The following MEI4 variants were observed in gnomAD, a reference collection of about 807,000 sequenced individuals.
MEI4 encodes meiosis-specific protein MEI4.
A neutral mutation model predicts 31.4 loss-of-function variants in MEI4; 27 were observed. The ratio of observed to expected loss-of-function variants is 0.86; its 90% confidence interval spans 0.63 to 1.19. The LOEUF (loss-of-function observed/expected upper bound fraction) is 1.19. MEI4 is among the 50% of genes most tolerant of loss of function. MEI4 has a pLI of 0.00. For missense variants in MEI4, 329 were observed against 398.9 expected (o/e 0.82, Z 1.49); for synonymous variants, 122 against 145.4 (o/e 0.84, Z 1.16).
At chr6:77,800,720 A>G (rs62415495) in intron 3 of MEI4, among the ~76,000 whole-genome samples, 43 of 152,168 alleles carry the variant, frequency 2.8e-4, no homozygotes, top group African/African-American at 1.0e-3. Context: ...GAATTTTGTC[A>G]AAGGCCTTTT....
rs1453019285 is a variant in MEI4, at chr6:77,924,827, CAGG to C, written c.*1482_*1484del. The C allele has an allele frequency of 6.6e-6, 1 of 151,834 alleles. No individual in the cohort carries two copies. Among genetic ancestry groups the C allele is most frequent in the Non-Finnish European group, 1.5e-5 (1 of 67,910 alleles). 9.4% of individuals were successfully genotyped at this position (151,834 alleles called of 1,614,324 possible). A position where few individuals can be genotyped will look rare whatever the true frequency, so the allele number is the denominator to read the frequency against. On this transcript the variant is annotated 3_prime_UTR_variant, in exon 5 of 5. Coordinates refer to ENST00000684080, the MANE Select transcript of MEI4 (RefSeq NM_001322247.2). ...GTCAAGCCCAAAGAAAAGTGACTGA[CAGG>C]GGAGTAGACTTGAGTGGGAGAACTT...
chr6:77,746,469 C>G (rs1220991802), intron 2 of MEI4, among the ~76,000 whole-genome samples: 2 of 152,116 alleles, frequency 1.3e-5, no homozygotes, highest in African/African-American at 4.8e-5. Context: ...ATTTATCCTG[C>G]TTTCACACTC....
intron 4 of MEI4, among the ~76,000 whole-genome samples, chr6:77,877,226 C>CTAGCTACCA (rs1434161895): frequency 6.6e-6 from 1 of 151,220 alleles, no homozygotes; most frequent in Non-Finnish European, 1.5e-5. Flanking sequence ...GAAAGTGTCA[C>CTAGCTACCA]TAGCTACCAA....
chr6:77,687,553 G>C (rs1466602931), intron 1 of MEI4, among the ~76,000 whole-genome samples: 2 of 152,094 alleles, frequency 1.3e-5, no homozygotes, highest in Admixed American at 1.3e-4. Context: ...ACTGCACTCA[G>C]TTTAAATGCC....
At chr6:77,795,055 T>C (rs1373952956) in intron 3 of MEI4, among the ~76,000 whole-genome samples, 1 of 152,154 alleles carries the variant, frequency 6.6e-6, no homozygotes, top group Non-Finnish European at 1.5e-5. Context: ...ATAGCCTAGC[T>C]TATGGGTTGT....
intron 2 of MEI4, among the ~76,000 whole-genome samples, chr6:77,754,502 A>G (rs1406828418): frequency 6.6e-6 from 1 of 152,192 alleles, no homozygotes; most frequent in African/African-American, 2.4e-5. Context: ...ACTTTCTGAC[A>G]TCTTCCTGTC....
At chr6:77,906,706 G>A (rs1215818643) in intron 4 of MEI4, among the ~76,000 whole-genome samples, 3 of 152,208 alleles carry the variant, frequency 2.0e-5, no homozygotes, top group Non-Finnish European at 2.9e-5. Flanking sequence ...CTTGCAGGGA[G>A]GGAATACTGA....
intron 2 of MEI4, among the ~76,000 whole-genome samples, chr6:77,733,042 A>G (rs1767058750): frequency 6.6e-6 from 1 of 151,900 alleles, no homozygotes; most frequent in Non-Finnish European, 1.5e-5. Context: ...TATTTTATTG[A>G]GGATTTTTGC....
chr6:77,774,098 A>C (rs1456731451), intron 3 of MEI4, among the ~76,000 whole-genome samples: 1 of 152,120 alleles, frequency 6.6e-6, no homozygotes, highest in African/African-American at 2.4e-5. Context: ...TATGGAGAAC[A>C]GTTTGAGTTT....
chr6:77,800,085 C>A (rs1034446951), intron 3 of MEI4, among the ~76,000 whole-genome samples: 2 of 152,100 alleles, frequency 1.3e-5, no homozygotes, highest in African/African-American at 4.8e-5. Flanking sequence ...TTACCTTGGG[C>A]AGTATGGCCA....
chr6:77,870,691 T>C (rs1244804403), intron 4 of MEI4, among the ~76,000 whole-genome samples: 1 of 111,748 alleles, frequency 8.9e-6, no homozygotes, highest in Non-Finnish European at 1.8e-5. Context: ...AGCAAAACTG[T>C]ACTTACATTC....
chr6:77,896,684 C>T (rs1314273067), intron 4 of MEI4, among the ~76,000 whole-genome samples: 1 of 151,948 alleles, frequency 6.6e-6, no homozygotes, highest in Non-Finnish European at 1.5e-5. Flanking sequence ...ATAATCAATT[C>T]ATATTTAGAT....
rs1770018512 is a variant in MEI4, at chr6:77,828,977, AT to A, written c.817del (p.Cys273AlafsTer4). The A allele has an allele frequency of 8.1e-7, 1 of 1,232,184 alleles. No individual in the cohort carries two copies. The highest frequency in any genetic ancestry group is 4.2e-5 in the Admixed American group (1 of 23,674). 76.3% of individuals were successfully genotyped at this position (1,232,184 alleles called of 1,614,324 possible). ...YVSQSLVTLG[N>X]CSLLRKSIIS... ...TCTCAGAGTCTGGTTACCTTGGGAAATTGCAGCTTGTTGAGAAAATCTATTA... is the reference window on the plus strand; with the variant it reads ...TCTCAGAGTCTGGTTACCTTGGGAAATGCAGCTTGTTGAGAAAATCTATTA... On this transcript the variant is annotated frameshift_variant, in exon 4 of 5. Coordinates refer to ENST00000684080, the MANE Select transcript of MEI4 (RefSeq NM_001322247.2). LOFTEE classifies it high-confidence loss of function.
intron 3 of MEI4, among the ~76,000 whole-genome samples, chr6:77,788,204 A>T (rs982234221): frequency 2.6e-5 from 4 of 152,326 alleles, no homozygotes; most frequent in Non-Finnish European, 2.9e-5. Context: ...ATTCAACAGC[A>T]CTTCATGCTA....
chr6:77,858,918 G>C (rs2020438), intron 4 of MEI4, among the ~76,000 whole-genome samples: 2 of 52,470 alleles, frequency 3.8e-5, no homozygotes, highest in Admixed American at 3.7e-4. Context: ...AAAAAAAAAA[G>C]AAAACAGGAC....
At chr6:77,910,626 A>G (rs1391570164) in intron 4 of MEI4, among the ~76,000 whole-genome samples, 1 of 152,056 alleles carries the variant, frequency 6.6e-6, no homozygotes, top group African/African-American at 2.4e-5. Flanking sequence ...ATGGCCATAC[A>G]GCCCAAAGTA....
intron 1 of MEI4, among the ~76,000 whole-genome samples, chr6:77,654,450 C>CA (rs1581991826): frequency 6.6e-6 from 1 of 151,218 alleles, no homozygotes; most frequent in East Asian, 2.0e-4. Context: ...ATGGTACTGC[C>CA]ATTTTGGTTA....
chr6:77,883,838 G>A (rs1009643970), intron 4 of MEI4, among the ~76,000 whole-genome samples: 10 of 149,568 alleles, frequency 6.7e-5, no homozygotes, highest in Admixed American at 6.7e-5. Flanking sequence ...CAGTGGGGGT[G>A]CATGTGTACA....
chr6:77,892,475 G>A (rs1313477160), intron 4 of MEI4, among the ~76,000 whole-genome samples: 1 of 152,106 alleles, frequency 6.6e-6, no homozygotes, highest in Non-Finnish European at 1.5e-5. Context: ...GACCTTGGAA[G>A]TGGTAACAGT....
Sources: allele counts gnomAD v4.1 joint callset (sites outside exome capture counted in the v4.1 genomes callset), GRCh38; gene constraint gnomAD v4.1.1; transcripts MANE v1.5; gene names NCBI Gene and HGNC (gene_info 2026-07-23, HGNC 2026-07-21).